The following NOS1AP variants were observed in gnomAD, a reference collection of about 807,000 sequenced individuals.
NOS1AP encodes the protein nitric oxide synthase 1 adaptor protein.
Under a neutral mutation model 56.2 loss-of-function variants are expected in NOS1AP, and 21 were observed. That is an observed-to-expected ratio of 0.37 (90% confidence interval 0.26 to 0.54). The LOEUF (loss-of-function observed/expected upper bound fraction) is 0.54. Among genes scored for constraint, NOS1AP ranks in the 20% least tolerant of loss-of-function variants. The probability of loss-of-function intolerance (pLI) is 0.84; values close to 1 mark genes in which losing one functional copy is unlikely to be tolerated. For missense variants in NOS1AP, 522 were observed against 657.8 expected, an observed-to-expected ratio of 0.79 and a Z score of 2.26; for synonymous variants, 270 against 274.6, an observed-to-expected ratio of 0.98 and a Z score of 0.17.
At chr1:162,359,601 G>C (rs1657821714) in intron 8 of NOS1AP, among the ~76,000 whole-genome samples, 1 of 152,094 alleles carries the variant, frequency 6.6e-6, no homozygotes, top group Admixed American at 6.5e-5. Flanking sequence ...TTTTACTAGT[G>C]TCTATATCCT....
intron 6 of NOS1AP, among the ~76,000 whole-genome samples, chr1:162,349,215 C>T (rs1657408285): frequency 6.6e-6 from 1 of 151,940 alleles, no homozygotes; most frequent in African/African-American, 2.4e-5. Flanking sequence ...AAAAAAAGAC[C>T]TTCAACTGAT....
intron 2 of NOS1AP, among the ~76,000 whole-genome samples, chr1:162,287,074 G>T (rs895704315): frequency 1.3e-5 from 2 of 152,080 alleles, no homozygotes; most frequent in Non-Finnish European, 1.5e-5. Context: ...ATTTTTTATG[G>T]GATATTCCAA....
chr1:162,346,108 A>C (rs1164271984), intron 6 of NOS1AP, among the ~76,000 whole-genome samples: 1 of 152,222 alleles, frequency 6.6e-6, no homozygotes, highest in Non-Finnish European at 1.5e-5. Flanking sequence ...CCTATGGAGA[A>C]AAATGTGGAA....
intron 2 of NOS1AP, among the ~76,000 whole-genome samples, chr1:162,246,352 G>A (rs1444121287): frequency 1.3e-5 from 2 of 152,198 alleles, no homozygotes; most frequent in African/African-American, 4.8e-5. Flanking sequence ...GAACAACATG[G>A]TGGATGTGGC....
intron 1 of NOS1AP, among the ~76,000 whole-genome samples, chr1:162,141,912 G>A (rs571269720): frequency 7.9e-5 from 12 of 152,326 alleles, no homozygotes; most frequent in African/African-American, 2.9e-4. Flanking sequence ...GGAGGAGTGG[G>A]ACTGCCTGAA....
intron 2 of NOS1AP, among the ~76,000 whole-genome samples, chr1:162,249,801 T>C (rs1653791295): frequency 6.6e-6 from 1 of 152,306 alleles, no homozygotes; most frequent in Middle Eastern, 3.4e-3. Flanking sequence ...AGTGTAAACA[T>C]TCAACCATGA....
At chr1:162,317,787 G>A (rs565665093) in intron 4 of NOS1AP, 5 of 152,330 alleles carry the variant, frequency 3.3e-5, no homozygotes, top group Admixed American at 6.5e-5. Context: ...TCCTTCCTAT[G>A]AGAAAGGGAA....
intron 2 of NOS1AP, 30 bp downstream of exon 2, chr1:162,154,506 C>G: frequency 6.2e-7 from 1 of 1,609,904 alleles, no homozygotes; most frequent in Middle Eastern, 1.7e-4. Context: ...CTGTGTGGAG[C>G]GGGGAGTCAA....
chr1:162,284,039 C>T (rs1319813406), intron 2 of NOS1AP, among the ~76,000 whole-genome samples: 1 of 152,200 alleles, frequency 6.6e-6, no homozygotes, highest in Admixed American at 6.5e-5. Context: ...CCAGAGCTCA[C>T]CTGCCCAGGC....
At chr1:162,300,949 CTCGG>C (rs1655631804) in intron 4 of NOS1AP, among the ~76,000 whole-genome samples, 1 of 152,066 alleles carries the variant, frequency 6.6e-6, no homozygotes, top group Non-Finnish European at 1.5e-5. Flanking sequence ...ATTTAAACCT[CTCGG>C]TTGTAATTGG....
intron 5 of NOS1AP, 143 bp downstream of exon 5, chr1:162,333,268 A>G (rs1656834267): frequency 2.9e-6 from 2 of 697,098 alleles, no homozygotes; most frequent in Admixed American, 2.0e-5. Context: ...TTGCTCCTAT[A>G]TAATGGAATT....
intron 2 of NOS1AP, among the ~76,000 whole-genome samples, chr1:162,218,607 G>A (rs1409215350): frequency 2.6e-5 from 4 of 152,174 alleles, no homozygotes; most frequent in Admixed American, 2.6e-4. Flanking sequence ...GTCTCCAAGG[G>A]AGATGATCAC....
At chr1:162,328,953 A>G (rs767467376) in intron 4 of NOS1AP, among the ~76,000 whole-genome samples, 5 of 152,142 alleles carry the variant, frequency 3.3e-5, no homozygotes, top group Non-Finnish European at 7.4e-5. Flanking sequence ...TTGTTTTTCT[A>G]TGATCTTAAG....
At chr1:162,141,447 T>C (rs1649231499) in intron 1 of NOS1AP, among the ~76,000 whole-genome samples, 1 of 152,258 alleles carries the variant, frequency 6.6e-6, no homozygotes. Flanking sequence ...CTCCTGATCA[T>C]TGAACATTAG....
chr1:162,222,831 T>C (rs1156871527), intron 2 of NOS1AP, among the ~76,000 whole-genome samples: 1 of 152,210 alleles, frequency 6.6e-6, no homozygotes, highest in African/African-American at 2.4e-5. Flanking sequence ...TACATCCACT[T>C]TTAAGCATGG....
At chr1:162,119,256 C>T (rs965595031) in intron 1 of NOS1AP, among the ~76,000 whole-genome samples, 1 of 152,110 alleles carries the variant, frequency 6.6e-6, no homozygotes, top group Admixed American at 6.5e-5. Flanking sequence ...GAAAGTCTCT[C>T]CAGGCATTCT....
intron 2 of NOS1AP, among the ~76,000 whole-genome samples, chr1:162,219,993 C>G (rs78097444): frequency 8.5e-5 from 13 of 152,158 alleles, no homozygotes; most frequent in Non-Finnish European, 1.8e-4. Context: ...TGCAGTGGCA[C>G]GATCATACCT....
chr1:162,309,339 A>G (rs1655950591), intron 4 of NOS1AP, among the ~76,000 whole-genome samples: 1 of 152,254 alleles, frequency 6.6e-6, no homozygotes, highest in East Asian at 1.9e-4. Context: ...GAAATGACAG[A>G]ATGTTAAAGA....
chr1:162,333,159 C>A, intron 5 of NOS1AP, 34 bp downstream of exon 5: 1 of 1,458,258 alleles, frequency 6.9e-7, no homozygotes. Flanking sequence ...CTGCTATTTT[C>A]CTCTAATGGT....
Sources: gnomAD v4.1 joint callset for allele counts (sites outside exome capture counted in the v4.1 genomes callset) on GRCh38, gnomAD v4.1.1 for gene constraint, MANE v1.5 for transcripts, NCBI Gene and HGNC (gene_info 2026-07-23, HGNC 2026-07-21) for gene names.